Variants in PREX1 observed in about 807,000 individuals in gnomAD.
PREX1 encodes the protein phosphatidylinositol-3,4,5-trisphosphate dependent Rac exchange factor 1, also known as phosphatidylinositol 3,4,5-trisphosphate-dependent Rac exchanger 1 protein.
A neutral mutation model predicts 198.3 loss-of-function variants in PREX1; 41 were observed. That is an observed-to-expected ratio of 0.21 (90% CI 0.16 to 0.27). The LOEUF is 0.27. Ranked by LOEUF, PREX1 falls within the 10% of genes least tolerant of loss-of-function variation. PREX1 has a pLI of 1.00. For synonymous variants in PREX1, 843 were observed against 887.2 expected, an observed-to-expected ratio of 0.95 and a Z score of 0.89; for missense variants, 1,620 against 2,200.7, an observed-to-expected ratio of 0.74 and a Z score of 5.28.
intron 3 of PREX1, among the ~76,000 whole-genome samples, chr20:48,736,940 GCT>G: frequency 6.6e-6 from 1 of 152,240 alleles, no homozygotes; most frequent in Middle Eastern, 3.4e-3. Flanking sequence ...CCGGTCACCA[GCT>G]CTTGGTCAAG....
chr20:48,688,726 T>C lies in PREX1; in HGVS notation c.1265A>G (p.Asn422Ser). 1 of 1,614,178 alleles carries C rather than the reference T, an allele frequency of 6.2e-7. No homozygotes were observed. The highest frequency in any genetic ancestry group is 8.5e-7 in the Non-Finnish European group (1 of 1,180,022). Residue 422 changes from asparagine (N) to serine (S), a missense_variant, in exon 10 of 40, where the codon AAC becomes AGC. By Grantham distance (46) the Asn-to-Ser change is conservative. This residue lies in a region of PREX1 where 488 missense variants were observed against 802.5 expected (regional missense o/e 0.61). Coordinates refer to ENST00000371941, the MANE Select transcript of PREX1 (RefSeq NM_020820.4). ...GTCCTTGATGAGGTTCACCTTCTTGTTCATCATCATGTGGTACAGCTTCTC... is the reference window on the plus strand; with the variant it reads ...GTCCTTGATGAGGTTCACCTTCTTGCTCATCATCATGTGGTACAGCTTCTC... ...KGEKLYHMMMNKKVNLIKDRR... is the reference protein window; with the variant it reads ...KGEKLYHMMMSKKVNLIKDRR...
intron 4 of PREX1, among the ~76,000 whole-genome samples, chr20:48,728,979 G>T (rs140287899): frequency 6.6e-6 from 1 of 152,134 alleles, no homozygotes; most frequent in South Asian, 2.1e-4. Context: ...CAACCTCATG[G>T]TCTTCCCAAC....
intron 15 of PREX1, among the ~76,000 whole-genome samples, chr20:48,663,301 A>G (rs1354958424): frequency 6.6e-6 from 1 of 152,224 alleles, no homozygotes; most frequent in African/African-American, 2.4e-5. Flanking sequence ...AAGGCCTCTC[A>G]GGTCTCCAGC....
chr20:48,794,414 T>C (rs1299142194), intron 1 of PREX1, among the ~76,000 whole-genome samples: 1 of 152,012 alleles, frequency 6.6e-6, no homozygotes, highest in South Asian at 2.1e-4. Context: ...ACCAGGACAA[T>C]GAAAACAAGA....
chr20:48,835,444 T>G, the PREX1 span, among the ~76,000 whole-genome samples: 1 of 152,098 alleles, frequency 6.6e-6, no homozygotes. Context: ...TGGTAAGAGT[T>G]ACGGAGAAAA....
At chr20:48,868,831 T>G in the PREX1 span, among the ~76,000 whole-genome samples, 7 of 152,208 alleles carry the variant, frequency 4.6e-5, no homozygotes, top group Non-Finnish European at 2.9e-5. Flanking sequence ...ACACATTGTT[T>G]TACACCGTGC....
At chr20:48,780,616 T>C (rs1297253996) in intron 1 of PREX1, among the ~76,000 whole-genome samples, 1 of 152,152 alleles carries the variant, frequency 6.6e-6, no homozygotes, top group African/African-American at 2.4e-5. Context: ...TACTGGTTTA[T>C]GATAATATAA....
chr20:48,700,601 G>C, intron 7 of PREX1, 152 bp downstream of exon 7: 1 of 910,496 alleles, frequency 1.1e-6, no homozygotes, highest in Non-Finnish European at 1.6e-6. Context: ...CATAACACGT[G>C]GCTTGCATTG....
intron 3 of PREX1, among the ~76,000 whole-genome samples, chr20:48,738,479 T>C (rs1050729244): frequency 6.6e-6 from 1 of 152,168 alleles, no homozygotes; most frequent in African/African-American, 2.4e-5. Context: ...GCCTGTGTCC[T>C]TTCATCCAGC....
intron 1 of PREX1, among the ~76,000 whole-genome samples, chr20:48,774,628 G>A (rs546707276): frequency 1.3e-5 from 2 of 152,354 alleles, no homozygotes; most frequent in East Asian, 3.9e-4. Flanking sequence ...TGGAAACCCA[G>A]ATAAAGATGC....
chr20:48,655,231 A>G, intron 19 of PREX1, 59 bp downstream of exon 19: 2 of 1,446,286 alleles, frequency 1.4e-6, no homozygotes, highest in Admixed American at 4.0e-5. Flanking sequence ...AACTCCTGCC[A>G]CACAGACAGA....
the PREX1 span, among the ~76,000 whole-genome samples, chr20:48,862,790 A>T: frequency 0.019 from 1,928 of 102,522 alleles, 65 homozygotes; most frequent in African/African-American, 0.048. Context: ...TAAAAAAAAA[A>T]ATATATATAT....
the PREX1 span, among the ~76,000 whole-genome samples, chr20:48,861,132 G>A: frequency 6.6e-6 from 1 of 152,134 alleles, no homozygotes; most frequent in Non-Finnish European, 1.5e-5. Context: ...GCCTGGAGCA[G>A]ATCTTTGTGA....
chr20:48,719,312 C>A (rs543559028), intron 5 of PREX1, among the ~76,000 whole-genome samples: 16 of 152,302 alleles, frequency 1.1e-4, no homozygotes, highest in South Asian at 2.1e-4. Flanking sequence ...GACCCCCCCC[C>A]CAACTCCCCA....
chr20:48,872,685 G>A, the PREX1 span, among the ~76,000 whole-genome samples: 1 of 152,170 alleles, frequency 6.6e-6, no homozygotes, highest in Admixed American at 6.5e-5. Flanking sequence ...GGCAGAGGTT[G>A]CAGTGAGCCG....
At chr20:48,702,960 A>T (rs1293745824) in intron 6 of PREX1, among the ~76,000 whole-genome samples, 3 of 152,238 alleles carry the variant, frequency 2.0e-5, no homozygotes, top group African/African-American at 7.2e-5. Context: ...ACAAGAAGTG[A>T]TGTTGTCCCT....
At chr20:48,631,330 A>C (rs547602175) in intron 35 of PREX1, among the ~76,000 whole-genome samples, 8 of 152,206 alleles carry the variant, frequency 5.3e-5, no homozygotes, top group Non-Finnish European at 8.8e-5. Context: ...TTTATTTACA[A>C]AACAGGGAGA....
chr20:48,727,152 G>T (rs930111387), intron 4 of PREX1, among the ~76,000 whole-genome samples: 9 of 152,200 alleles, frequency 5.9e-5, no homozygotes, highest in African/African-American at 2.2e-4. Context: ...CTCTGTGGAG[G>T]GAGAGTTTTG....
At chr20:48,723,565 T>C (rs778613175) in intron 5 of PREX1, among the ~76,000 whole-genome samples, 9 of 152,066 alleles carry the variant, frequency 5.9e-5, no homozygotes, top group Non-Finnish European at 1.0e-4. Context: ...AATCTCCTAC[T>C]TGATAAACAC....
Sources: gnomAD v4.1 joint callset for allele counts (sites outside exome capture counted in the v4.1 genomes callset) on GRCh38, gnomAD v4.1.1 for gene constraint, gnomAD v4.1.1 regional missense constraint, MANE v1.5 for transcripts, NCBI Gene and HGNC (gene_info 2026-07-23, HGNC 2026-07-21) for gene names.